The following LRRC4B variants were observed in gnomAD, a reference collection of about 807,000 sequenced individuals.
LRRC4B encodes leucine rich repeat containing 4B.
LRRC4B carries 1 observed loss-of-function variant against 7.3 expected under a neutral mutation model. The ratio of observed to expected loss-of-function variants is 0.14; its 90% confidence interval spans 0.05 to 0.65. The LOEUF is 0.65. LRRC4B is among the 30% of genes least tolerant of loss of function. LRRC4B has a pLI of 0.84. For missense variants in LRRC4B, 730 were observed against 1,041.6 expected (o/e 0.70, Z 4.12); for synonymous variants, 500 against 499.2 (o/e 1.00, Z -0.02).
At chr19:50,535,017 T>TGC (rs1568723896) in intron 2 of LRRC4B, among the ~76,000 whole-genome samples, 11 of 121,478 alleles carry the variant, frequency 9.1e-5, no homozygotes, top group East Asian at 2.1e-4. Context: ...TACAGGCGCC[T>TGC]GCCACCACAC....
At chr19:50,538,556 CTTGTTT>C (rs1981394518) in intron 2 of LRRC4B, among the ~76,000 whole-genome samples, 1 of 96,364 alleles carries the variant, frequency 1.0e-5, no homozygotes, top group African/African-American at 3.7e-5. Flanking sequence ...TGGGTTTTGT[CTTGTTT>C]TTTTTTTTTT....
At chr19:50,540,137 T>G (rs998491245) in intron 2 of LRRC4B, among the ~76,000 whole-genome samples, 43 of 152,144 alleles carry the variant, frequency 2.8e-4, no homozygotes, top group Non-Finnish European at 6.0e-4. Flanking sequence ...CCACTATTAT[T>G]TGAAACTCTG....
chr19:50,562,176 T>G (rs1178171132), intron 1 of LRRC4B, among the ~76,000 whole-genome samples: 3 of 151,552 alleles, frequency 2.0e-5, no homozygotes, highest in African/African-American at 2.4e-5. Context: ...CAGTGCATTC[T>G]CCTCTCTTGG....
chr19:50,536,715 G>A (rs1486054496), intron 2 of LRRC4B, among the ~76,000 whole-genome samples: 1 of 152,166 alleles, frequency 6.6e-6, no homozygotes. Flanking sequence ...GGATTAAACT[G>A]TCTCGATATC....
At chr19:50,524,591 AAAT>A (rs1008212607) in intron 2 of LRRC4B, among the ~76,000 whole-genome samples, 12 of 152,186 alleles carry the variant, frequency 7.9e-5, no homozygotes, top group African/African-American at 2.2e-4. Flanking sequence ...AGCCACATTG[AAAT>A]AATAATAAAG....
At position 50,556,907 on chromosome 19, in the gene LRRC4B, G is replaced by A. The variant is rs2122921185; in HGVS notation, c.-35-8034C>T. 6.6e-6 allele frequency among the ~76,000 whole-genome samples: 1 copy of A among 152,118 alleles called. No homozygotes were observed. The highest frequency in any genetic ancestry group is 2.1e-4 in the South Asian group (1 of 4,802). On this transcript the variant is annotated intron_variant, in intron 1 of 2. Coordinates refer to ENST00000652263, the MANE Select transcript of LRRC4B (RefSeq NM_001080457.2). The surrounding 1 kb of genome is among the most constrained non-coding windows in gnomAD (Gnocchi z 4.2). ...ACGTCCAGGAGGGAAGCCGGGAGGA[G>A]GGAATGTCGAGCTGTTACAGAGGCC...
At chr19:50,546,464 C>T (rs1981812109) in intron 2 of LRRC4B, among the ~76,000 whole-genome samples, 1 of 152,136 alleles carries the variant, frequency 6.6e-6, no homozygotes, top group African/African-American at 2.4e-5. Context: ...CACAAGCATC[C>T]ACTCTCGTGG....
chr19:50,516,995 G>T lies in LRRC4B; in HGVS notation c.*576C>A, dbSNP rs1331599400. 6.6e-6 allele frequency: 1 copy of T among 151,722 alleles called. No homozygotes were observed. Among genetic ancestry groups the T allele is most frequent in the African/African-American group, 2.4e-5 (1 of 41,288 alleles). The allele number at this position is 151,722 out of a possible 1,614,324, so 9.4% of individuals were successfully genotyped here. The stretch of plus-strand genomic sequence containing the variant: ...CGCAAACCTCCCTTCAGTATCAAAA[G>T]TGTCTGTGGGGCAGGTGGGGCTGGG... On this transcript the variant is annotated 3_prime_UTR_variant, in exon 3 of 3. Transcript: ENST00000652263.
intron 2 of LRRC4B, among the ~76,000 whole-genome samples, chr19:50,539,667 T>A (rs1981456200): frequency 6.6e-6 from 1 of 151,834 alleles, no homozygotes; most frequent in Non-Finnish European, 1.5e-5. Flanking sequence ...GGCAGGTGGA[T>A]CACAAGGTCA....
chr19:50,523,173 C>T (rs939323439), intron 2 of LRRC4B, among the ~76,000 whole-genome samples: 6 of 152,178 alleles, frequency 3.9e-5, no homozygotes, highest in African/African-American at 1.2e-4. Context: ...CTGATGACCA[C>T]GCCGGGTGCA....
rs929254409 is a variant in LRRC4B at position 50,517,697 on chromosome 19, C to T, written c.2016G>A (p.Ala672=). ...CGCCGCTGGGGTTGCTGCTGTAGTG[C>T]GCCTTGAAGGCGGCAGCCACGTAGT... ...HHHYVAAAFK[A]HYSSNPSGGG... is the part of the protein sequence containing the mutation. Residue 672 remains alanine (A), a synonymous_variant, in exon 3 of 3, where the codon GCG becomes GCA. Transcript: ENST00000652263. The surrounding 1 kb of genome is among the most constrained non-coding windows in gnomAD (Gnocchi z 6.6). 1.9e-6 allele frequency: 3 copies of T among 1,553,650 alleles called. No homozygotes were observed. The highest frequency in any genetic ancestry group is 2.6e-6 in the Non-Finnish European group (3 of 1,152,446).
intron 2 of LRRC4B, among the ~76,000 whole-genome samples, chr19:50,531,917 A>T (rs1242523503): frequency 1.1e-4 from 16 of 152,210 alleles, no homozygotes; most frequent in Admixed American, 1.0e-3. Context: ...AATTCAGTTG[A>T]TAATGATCAT....
chr19:50,526,737 G>C (rs1980823819), intron 2 of LRRC4B, among the ~76,000 whole-genome samples: 1 of 151,896 alleles, frequency 6.6e-6, no homozygotes, highest in Non-Finnish European at 1.5e-5. Context: ...TGTATGAGAA[G>C]AAAATAAAAA....
intron 2 of LRRC4B, among the ~76,000 whole-genome samples, chr19:50,523,778 C>T (rs146981174): frequency 1.2e-4 from 18 of 151,738 alleles, no homozygotes; most frequent in African/African-American, 3.6e-4. Context: ...GCCAACATGG[C>T]GAAACCCCAT....
At chr19:50,558,358 G>A (rs893455237) in intron 1 of LRRC4B, among the ~76,000 whole-genome samples, 1 of 152,168 alleles carries the variant, frequency 6.6e-6, no homozygotes, top group Admixed American at 6.6e-5. Flanking sequence ...AGCCTCCTGA[G>A]TAGCCGACTA....
rs1049019010 is a variant in LRRC4B, at chr19:50,537,896, C to T, written c.297+10646G>A. The stretch of plus-strand genomic sequence containing the variant: ...GCAGTTAGACACGAAGTCTCAGCAG[C>T]CCGGGAACGGACGGCAGAGGGCGCA... On this transcript the variant is annotated intron_variant, in intron 2 of 2. Coordinates refer to ENST00000652263, the MANE Select transcript of LRRC4B (RefSeq NM_001080457.2). This position sits in a 1 kb window ranked among gnomAD's most constrained non-coding sequence, Gnocchi z 5.5. 3.0e-4 allele frequency among the ~76,000 whole-genome samples: 46 copies of T among 152,074 alleles called. No individual in the cohort carries two copies. The highest frequency in any genetic ancestry group is 1.5e-5 in the Non-Finnish European group (1 of 68,020).
At position 50,518,864 on chromosome 19, in the gene LRRC4B, G is replaced by A. The variant is rs766975111; in HGVS notation, c.849C>T (p.Asn283=). ...GCGACATCAGGTTGTTGTGGGACAG[G>A]TTGAGCTCCTCCAGCGACTTGAGGT... ...FDDLKSLEEL[N]LSHNNLMSLP... is the part of the protein sequence containing the mutation. Residue 283 remains asparagine (N), a synonymous_variant, in exon 3 of 3, where the codon AAC becomes AAT. Coordinates refer to ENST00000652263, the MANE Select transcript of LRRC4B (RefSeq NM_001080457.2). The A allele has an allele frequency of 3.7e-6, 6 of 1,614,102 alleles. No homozygotes were observed. The highest frequency in any genetic ancestry group is 5.1e-6 in the Non-Finnish European group (6 of 1,179,988).
At position 50,518,259 on chromosome 19, in the gene LRRC4B, G is replaced by C; in HGVS notation, c.1454C>G (p.Thr485Ser). The C allele has an allele frequency of 1.2e-6, 2 of 1,602,434 alleles. No homozygotes were observed. The highest frequency in any genetic ancestry group is 2.3e-5 in the East Asian group (1 of 44,404). Residue 485 changes from threonine (T) to serine (S), a missense_variant, in exon 3 of 3, where the codon ACC becomes AGC. Thr to Ser is a moderately conservative substitution (Grantham distance 58, BLOSUM62 1). This residue lies in a region of LRRC4B where 192 missense variants were observed against 228.6 expected (regional missense o/e 0.84). Coordinates refer to ENST00000652263, the MANE Select transcript of LRRC4B (RefSeq NM_001080457.2). ...CTCCACGGTCACCGTGGTGAAGTAG[G>C]TGTAGCCGCCACTGCCCCCTCCAAC... ...GGVGGGSGGY[T>S]YFTTVTVETL...
rs7250472 is a variant in LRRC4B, at chr19:50,537,247, G to A, written c.297+11295C>T. Among the ~76,000 whole-genome samples, 940 of 152,288 alleles carry A rather than the reference G, an allele frequency of 6.2e-3. 10 individuals carry two copies. The highest frequency in any genetic ancestry group is 0.021 in the African/African-American group (852 of 41,558). ...CGTTACTAACCATGGGACCAGGACC[G>A]TTTGCAAGTGTCTTAACTCTCCTAT... On this transcript the variant is annotated intron_variant, in intron 2 of 2. Coordinates refer to ENST00000652263, the MANE Select transcript of LRRC4B (RefSeq NM_001080457.2). The surrounding 1 kb of genome is among the most constrained non-coding windows in gnomAD (Gnocchi z 5.5).
Sources: allele counts gnomAD v4.1 joint callset (sites outside exome capture counted in the v4.1 genomes callset), GRCh38; gene constraint gnomAD v4.1.1; regional missense constraint gnomAD v4.1.1; non-coding constraint Gnocchi (gnomAD v3.1); transcripts MANE v1.5; gene names NCBI Gene and HGNC (gene_info 2026-07-23, HGNC 2026-07-21).